Variants in MSH6 observed in about 807,000 individuals in gnomAD.
MSH6 encodes the protein DNA mismatch repair protein Msh6.
A neutral mutation model predicts 119.1 loss-of-function variants in MSH6; 85 were observed. The observed-to-expected ratio is 0.71, with a 90% CI of 0.60 to 0.85. MSH6 has a LOEUF of 0.85. Among genes scored for constraint, MSH6 ranks in the 40% least tolerant of loss-of-function variants. The probability of loss-of-function intolerance (pLI) is 0.00; values close to 1 mark genes in which losing one functional copy is unlikely to be tolerated. For synonymous variants in MSH6, 830 were observed against 586.9 expected (o/e 1.41, Z -5.99); for missense variants, 2,163 against 1,655.3 (o/e 1.31, Z -5.32).
At chr2:47,784,442 C>A in intron 1 of MSH6, 1 of 158,832 alleles carries the variant, frequency 6.3e-6, no homozygotes, top group Non-Finnish European at 1.3e-5. Context: ...GTTGTCCTCA[C>A]TTTATGGGCA....
chr2:47,804,703 G>A (rs1292497688), intron 5 of MSH6, among the ~76,000 whole-genome samples: 4 of 152,180 alleles, frequency 2.6e-5, no homozygotes, highest in Admixed American at 2.0e-4. Flanking sequence ...ATGTTTTAAA[G>A]GCCAGGTGAG....
chr2:47,783,640 G>A (rs368206579), intron 1 of MSH6, 147 bp downstream of exon 1: 26 of 774,988 alleles, frequency 3.4e-5, no homozygotes, highest in Admixed American at 1.1e-4. Context: ...TGGCTTGAAT[G>A]AGTGCAGGGG....
chr2:47,809,095 T>C (rs189010845), downstream of MSH6: 380 of 1,029,746 alleles, frequency 3.7e-4, no homozygotes, highest in Non-Finnish European at 5.3e-4. Flanking sequence ...ATGCTAGGCA[T>C]TGCTAATTTA....
At chr2:47,803,298 T>A in intron 4 of MSH6, 122 bp from the exon 5 acceptor site, 1 of 1,303,104 alleles carries the variant, frequency 7.7e-7, no homozygotes, top group Non-Finnish European at 1.1e-6. Context: ...GGGAGATCGT[T>A]GGACTGTAAT....
At chr2:47,788,922 G>GTTTTTTTTTTTTTTTTTTTTTTTTTTT (rs1558650240) in intron 1 of MSH6, among the ~76,000 whole-genome samples, 4 of 40,952 alleles carry the variant, frequency 9.8e-5, no homozygotes, top group East Asian at 9.0e-4. Context: ...TTTTTTTTTT[G>GTTTTTTTTTTTTTTTTTTTTTTTTTTT]TTTTTTTTTT....
At chr2:47,807,139 G>A, downstream of MSH6, 1 of 402,706 alleles carries the variant, frequency 2.5e-6, no homozygotes, top group South Asian at 3.4e-5. Context: ...CTATGAAACT[G>A]TATAGGGCTG....
chr2:47,805,519 C>CAATA, intron 6 of MSH6, 99 bp from the exon 7 acceptor site: 2 of 850,152 alleles, frequency 2.4e-6, no homozygotes, highest in East Asian at 4.9e-5. Context: ...TCTTTTATAC[C>CAATA]AATATGTGTA....
Position 47,783,161 on chromosome 2 carries a change from G to A in MSH6, c.-73G>A, listed in dbSNP as rs2103926787. ...CCTCCCCCCAGATTTCCCGCCAGCA[G>A]GAGCCGCGCGGTAGATGCGGTGCTT... On this transcript the variant is annotated 5_prime_UTR_variant, in exon 1 of 10. Transcript: ENST00000234420. 1.3e-6 allele frequency: 2 copies of A among 1,589,712 alleles called. No homozygotes were observed. The highest frequency in any genetic ancestry group is 1.1e-5 in the South Asian group (1 of 88,700).
chr2:47,803,355 T>C, intron 4 of MSH6, 65 bp from the exon 5 acceptor site: 1 of 1,606,076 alleles, frequency 6.2e-7, no homozygotes. Context: ...AGAAGACCTA[T>C]AAAACACTTA....
chr2:47,795,830 C>T lies in MSH6; in HGVS notation c.458-64C>T, dbSNP rs1669046301. 12 of 1,453,872 alleles carry T rather than the reference C, an allele frequency of 8.3e-6. No individual in the cohort carries two copies. The South Asian group carries it at 1.3e-4, about 16-fold the overall frequency. The allele number at this position is 1,453,872 out of a possible 1,614,324, so 90.1% of individuals were successfully genotyped here. Reference sequence around the variant, plus strand: ...TGTTGCCCAGGCTGGTCTTGAACTGCTGGGATTACAGGCGTGAGCCTCTGC... The same window carrying T: ...TGTTGCCCAGGCTGGTCTTGAACTGTTGGGATTACAGGCGTGAGCCTCTGC... On this transcript the variant is annotated intron_variant, in intron 2 of 9. Coordinates refer to ENST00000234420, the MANE Select transcript of MSH6 (RefSeq NM_000179.3).
At position 47,803,480 on chromosome 2, in the gene MSH6, T is replaced by C. The variant is rs376452612; in HGVS notation, c.3233T>C (p.Val1078Ala). 100 of 1,614,054 alleles carry C rather than the reference T, an allele frequency of 6.2e-5. No individual in the cohort carries two copies. The highest frequency in any genetic ancestry group is 8.3e-5 in the Non-Finnish European group (98 of 1,180,036). The part of the protein sequence containing the change: ...RGGDGPMCRP[V>A]ILLPEDTPPF... ...GGTGATGGTCCTATGTGTCGCCCAG[T>C]AATTCTGTTGCCGGAAGATACCCCC... Residue 1078 changes from valine (V) to alanine (A), a missense_variant, in exon 5 of 10, where the codon GTA (valine) becomes GCA (alanine). Transcript: ENST00000234420.
intron 1 of MSH6, chr2:47,784,053 G>C (rs371540955): frequency 9.9e-7 from 1 of 1,014,106 alleles, no homozygotes; most frequent in Non-Finnish European, 1.2e-6. Flanking sequence ...CTTAGAGGTA[G>C]TTAAGAGCCG....
downstream of MSH6, chr2:47,808,499 A>G (rs950344742): frequency 1.6e-5 from 21 of 1,318,838 alleles, no homozygotes; most frequent in Admixed American, 6.9e-5. Context: ...CTGTTTATAT[A>G]TTACTATGAC....
At chr2:47,803,361 A>T (rs2104469579) in intron 4 of MSH6, 59 bp from the exon 5 acceptor site, 1 of 1,610,408 alleles carries the variant, frequency 6.2e-7, no homozygotes, top group Non-Finnish European at 8.5e-7. Flanking sequence ...CCTATAAAAC[A>T]CTTAGGCTGA....
intron 4 of MSH6, 145 bp from the exon 5 acceptor site, chr2:47,803,271 GGTAA>G (rs1669719128): frequency 3.6e-6 from 4 of 1,098,318 alleles, no homozygotes; most frequent in African/African-American, 1.6e-5. Context: ...GATGTTAGAG[GGTAA>G]GTATTTTGAT....
Position 47,800,933 on chromosome 2 carries a change from A to G in MSH6, c.2950A>G (p.Asn984Asp), listed in dbSNP as rs146359682. Residue 984 changes from asparagine (N) to aspartate (D), a missense_variant, in exon 4 of 10, where the codon AAT (asparagine) becomes GAT (aspartate). By Grantham distance (23) the Asn-to-Asp change is conservative (BLOSUM62 1). Transcript: ENST00000234420. ...CCGTTACCAGCTGGAAATTCCTGAG[A>G]ATTTCACCACTCGCAATTTGCCAGA... ...RNRYQLEIPE[N>D]FTTRNLPEEY... 38 of 1,577,920 alleles carry G rather than the reference A, an allele frequency of 2.4e-5. No individual in the cohort carries two copies. The highest frequency in any genetic ancestry group is 1.7e-4 in the Middle Eastern group (1 of 5,852).
intron 1 of MSH6, among the ~76,000 whole-genome samples, chr2:47,786,821 A>G (rs139505701): frequency 2.0e-5 from 3 of 151,996 alleles, no homozygotes; most frequent in African/African-American, 7.2e-5. Context: ...GTTGTTGAAT[A>G]ATAGAGGTCT....
At position 47,798,924 on chromosome 2, in the gene MSH6, G is replaced by A. The variant is rs760100983; in HGVS notation, c.941G>A (p.Ser314Asn). 1.2e-5 allele frequency: 20 copies of A among 1,614,132 alleles called. No individual in the cohort carries two copies. The highest frequency in any genetic ancestry group is 1.7e-5 in the Non-Finnish European group (20 of 1,180,026). The change falls in exon 4 of 10, where the codon AGC (serine) becomes AAC (asparagine). Residue 314 changes from serine to asparagine, a missense_variant. Physicochemically the swap from Ser to Asn is conservative, Grantham distance 46. Coordinates refer to ENST00000234420, the MANE Select transcript of MSH6 (RefSeq NM_000179.3). The stretch of plus-strand genomic sequence containing the variant: ...GGAAATGGCTCTCTTAAAAGGAAAA[G>A]CTCTAGGAAGGAAACGCCCTCAGCC... ...VTGNGSLKRK[S>N]SRKETPSATK...
intron 4 of MSH6, 126 bp from the exon 5 acceptor site, chr2:47,803,294 T>TC: frequency 8.0e-7 from 1 of 1,257,394 alleles, no homozygotes; most frequent in Admixed American, 1.9e-5. Flanking sequence ...ATGGGGGAGA[T>TC]CGTTGGACTG....
Sources: allele counts gnomAD v4.1 joint callset (sites outside exome capture counted in the v4.1 genomes callset), GRCh38; gene constraint gnomAD v4.1.1; transcripts MANE v1.5; gene names NCBI Gene and HGNC (gene_info 2026-07-23, HGNC 2026-07-21).